EPHA3: variants seen among roughly 807,000 people sequenced by gnomAD.
EPHA3 encodes ephrin type-A receptor 3.
Under a neutral mutation model 107.1 loss-of-function variants are expected in EPHA3, and 42 were observed. That is an observed-to-expected ratio of 0.39 (90% CI 0.31 to 0.51). The LOEUF (loss-of-function observed/expected upper bound fraction) is 0.51, where lower values mean the gene tolerates loss of function less well. Among genes scored for constraint, EPHA3 ranks in the 20% least tolerant of loss-of-function variants. EPHA3 has a pLI of 0.78. For synonymous variants in EPHA3, 461 were observed against 424.8 expected, an observed-to-expected ratio of 1.09 and a Z score of -1.05; for missense variants, 1,183 against 1,211.2, an observed-to-expected ratio of 0.98 and a Z score of 0.35.
intron 3 of EPHA3, among the ~76,000 whole-genome samples, chr3:89,324,704 A>C (rs1707126998): frequency 6.6e-6 from 1 of 151,990 alleles, no homozygotes; most frequent in Non-Finnish European, 1.5e-5. Context: ...ATTTTTTTAT[A>C]ATTTCAAGTT....
chr3:89,281,004 A>ATTATTTATTTAT lies in EPHA3; in HGVS notation c.815-59886_815-59875dup, dbSNP rs372696481. On this transcript the variant is annotated intron_variant, in intron 3 of 16. Coordinates refer to ENST00000336596, the MANE Select transcript of EPHA3 (RefSeq NM_005233.6). ...ACCATATGAATCTTACAAGATTTTT[A>ATTATTTATTTAT]TTATTTATTTATTTATTTATTTATT... Among the ~76,000 whole-genome samples the ATTATTTATTTAT allele has an allele frequency of 2.9e-3, 420 of 147,352 alleles. 2 individuals are homozygous for ATTATTTATTTAT. Among genetic ancestry groups the ATTATTTATTTAT allele is most frequent in the African/African-American group, 0.01 (396 of 39,092 alleles).
intron 3 of EPHA3, among the ~76,000 whole-genome samples, chr3:89,236,565 A>T (rs1013967551): frequency 1.9e-5 from 2 of 103,700 alleles, no homozygotes; most frequent in Non-Finnish European, 3.5e-5. Context: ...GGAACATCAC[A>T]CTCTGGGGAC....
At chr3:89,232,384 G>A (rs1348517045) in intron 3 of EPHA3, among the ~76,000 whole-genome samples, 4 of 152,084 alleles carry the variant, frequency 2.6e-5, no homozygotes, top group Non-Finnish European at 4.4e-5. Flanking sequence ...GTCTTAAGGT[G>A]TGTCTTGTCA....
intron 2 of EPHA3, among the ~76,000 whole-genome samples, chr3:89,139,509 A>G (rs1704382523): frequency 6.6e-6 from 1 of 151,906 alleles, no homozygotes; most frequent in Admixed American, 6.6e-5. Context: ...AAGGCAGCAA[A>G]TAAGCCATAA....
At chr3:89,287,835 C>T (rs1706124941) in intron 3 of EPHA3, among the ~76,000 whole-genome samples, 1 of 152,010 alleles carries the variant, frequency 6.6e-6, no homozygotes, top group Non-Finnish European at 1.5e-5. Flanking sequence ...TCCCTTCTTC[C>T]CACTCAAGAT....
chr3:89,195,706 G>C (rs1387041504), intron 2 of EPHA3, among the ~76,000 whole-genome samples: 3 of 152,240 alleles, frequency 2.0e-5, no homozygotes, highest in African/African-American at 7.2e-5. Context: ...TTGGGTATCA[G>C]TAATGAGCAA....
intron 3 of EPHA3, among the ~76,000 whole-genome samples, chr3:89,234,114 A>G (rs1028118329): frequency 6.6e-6 from 1 of 152,250 alleles, no homozygotes; most frequent in African/African-American, 2.4e-5. Context: ...TTAACAAATT[A>G]TGCCATGAAA....
intron 2 of EPHA3, among the ~76,000 whole-genome samples, chr3:89,172,924 G>A (rs1197257952): frequency 6.6e-6 from 1 of 151,912 alleles, no homozygotes. Flanking sequence ...CTTGATGTGG[G>A]GATTATAAAT....
At chr3:89,124,844 T>C (rs1000106221) in intron 1 of EPHA3, among the ~76,000 whole-genome samples, 2 of 151,966 alleles carry the variant, frequency 1.3e-5, no homozygotes, top group African/African-American at 4.8e-5. Flanking sequence ...AAATTTAATT[T>C]CTGAGTAAAT....
In EPHA3 at chr3:89,402,851, C is replaced by T. The variant is rs150401511; in HGVS notation, c.1594+3371C>T. ...TGCCACAATGCCCAGCTAATTTTGG[C>T]ATTTTTAGTAGAGACGGGGTTTCAC... On this transcript the variant is annotated intron_variant, in intron 7 of 16. Transcript: ENST00000336596. Among the ~76,000 whole-genome samples the T allele has an allele frequency of 9.8e-3, 1,483 of 152,028 alleles. 26 individuals carry two copies. Among genetic ancestry groups the T allele is most frequent in the African/African-American group, 0.034 (1,416 of 41,498 alleles).
chr3:89,171,244 G>A (rs1426510918), intron 2 of EPHA3, among the ~76,000 whole-genome samples: 4 of 152,044 alleles, frequency 2.6e-5, no homozygotes, highest in African/African-American at 7.2e-5. Flanking sequence ...TATAAAATAA[G>A]CATATTTTAT....
At chr3:89,388,209 A>G (rs910124109) in intron 5 of EPHA3, among the ~76,000 whole-genome samples, 2 of 152,130 alleles carry the variant, frequency 1.3e-5, no homozygotes, top group Non-Finnish European at 2.9e-5. Context: ...TATTTTTCAG[A>G]GGAACCAGCC....
At position 89,479,997 on chromosome 3, in the gene EPHA3, C is replaced by T. The variant is rs1710592800; in HGVS notation, c.*495C>T. The T allele has an allele frequency of 4.3e-6, 1 of 234,478 alleles. No homozygotes were observed. The highest frequency in any genetic ancestry group is 2.2e-5 in the African/African-American group (1 of 45,314). The allele number at this position is 234,478 out of a possible 1,614,324, so 14.5% of individuals were successfully genotyped here. ...TATCTGGCCATATTTACTACCTTAT[C>T]ACTGCATTATTCTCTTTTATCTGTT... On this transcript the variant is annotated 3_prime_UTR_variant, in exon 17 of 17. Coordinates refer to ENST00000336596, the MANE Select transcript of EPHA3 (RefSeq NM_005233.6).
At chr3:89,300,622 C>T (rs1397125776) in intron 3 of EPHA3, among the ~76,000 whole-genome samples, 1 of 151,990 alleles carries the variant, frequency 6.6e-6, no homozygotes, top group Non-Finnish European at 1.5e-5. Context: ...CTGAAATCTG[C>T]CCAATGTTAC....
intron 1 of EPHA3, among the ~76,000 whole-genome samples, chr3:89,108,698 A>G (rs1707030008): frequency 6.6e-6 from 1 of 152,190 alleles, no homozygotes; most frequent in Non-Finnish European, 1.5e-5. Context: ...TGTTAAGGAC[A>G]CCAATGTGTT....
intron 3 of EPHA3, among the ~76,000 whole-genome samples, chr3:89,303,286 T>A (rs1276943989): frequency 6.6e-6 from 1 of 151,970 alleles, no homozygotes; most frequent in Non-Finnish European, 1.5e-5. Context: ...GCTTTTTCTA[T>A]TTGCTATTTC....
chr3:89,130,627 C>CT (rs869075361), intron 2 of EPHA3, among the ~76,000 whole-genome samples: 2,949 of 136,520 alleles, frequency 0.022, 37 homozygotes, highest in Middle Eastern at 0.038. Flanking sequence ...TTTCTATCTC[C>CT]TTTTTTTTTT....
intron 3 of EPHA3, among the ~76,000 whole-genome samples, chr3:89,329,209 C>A (rs1431527731): frequency 6.6e-6 from 1 of 152,080 alleles, no homozygotes; most frequent in Non-Finnish European, 1.5e-5. Flanking sequence ...CACATACCCT[C>A]GGCGTGTCCA....
intron 2 of EPHA3, among the ~76,000 whole-genome samples, chr3:89,206,470 CA>C (rs1051128871): frequency 3.9e-5 from 6 of 152,092 alleles, no homozygotes; most frequent in Non-Finnish European, 7.4e-5. Context: ...GGTTTACATT[CA>C]AATAATATTG....
Sources: gnomAD v4.1 joint callset for allele counts (sites outside exome capture counted in the v4.1 genomes callset) on GRCh38, gnomAD v4.1.1 for gene constraint, MANE v1.5 for transcripts, NCBI Gene and HGNC (gene_info 2026-07-23, HGNC 2026-07-21) for gene names.